The following CTNNA3 variants were observed in gnomAD, a reference collection of about 807,000 sequenced individuals.
The protein encoded by CTNNA3 is catenin alpha-3.
CTNNA3 carries 76 observed loss-of-function variants against 95.7 expected under a neutral mutation model. The ratio of observed to expected loss-of-function variants is 0.79; its 90% confidence interval spans 0.66 to 0.96. CTNNA3 has a LOEUF of 0.96. Ranked by LOEUF, CTNNA3 falls within the 40% of genes least tolerant of loss-of-function variation. CTNNA3 has a pLI of 0.00. For synonymous variants in CTNNA3, 431 were observed against 374.4 expected (o/e 1.15, Z -1.74); for missense variants, 1,191 against 1,089.8 (o/e 1.09, Z -1.31).
At chr10:67,699,812 G>A (rs879886538), upstream of CTNNA3, among the ~76,000 whole-genome samples, 39 of 152,196 alleles carry the variant, frequency 2.6e-4, no homozygotes, top group Non-Finnish European at 4.3e-4. Context: ...AGCCGAAGTC[G>A]GGCAAGCCAC....
At chr10:67,048,694 A>G (rs550702198) in intron 7 of CTNNA3, among the ~76,000 whole-genome samples, 2 of 152,224 alleles carry the variant, frequency 1.3e-5, no homozygotes, top group East Asian at 3.9e-4. Flanking sequence ...GTAAATTTCC[A>G]GGATCAAAGT....
chr10:67,619,776 A>T (rs72806685), intron 2 of CTNNA3, among the ~76,000 whole-genome samples: 1 of 152,146 alleles, frequency 6.6e-6, no homozygotes. Flanking sequence ...AAGCCGAGGA[A>T]TTTTTATTCC....
At chr10:66,873,969 T>C (rs1405736358) in intron 7 of CTNNA3, among the ~76,000 whole-genome samples, 1 of 152,124 alleles carries the variant, frequency 6.6e-6, no homozygotes, top group Non-Finnish European at 1.5e-5. Flanking sequence ...ATTAAACATG[T>C]AAGCATTTTG....
chr10:67,225,199 C>A lies in CTNNA3; in HGVS notation c.580-5329G>T, dbSNP rs568993502. Among the ~76,000 whole-genome samples the A allele has an allele frequency of 2.6e-5, 4 of 152,272 alleles. No individual in the cohort carries two copies. The South Asian group carries it at 8.3e-4, about 32-fold the overall frequency. On this transcript the variant is annotated intron_variant, in intron 5 of 17. Transcript: ENST00000433211. ...TGACCTGGGAATCTCACTCCCACCC[C>A]CTACAGCAGCCACAGCAAGACCCAC... is the stretch of plus-strand genomic sequence containing the variant.
intron 13 of CTNNA3, among the ~76,000 whole-genome samples, chr10:66,224,308 A>C (rs2089142415): frequency 6.6e-6 from 1 of 152,182 alleles, no homozygotes; most frequent in Non-Finnish European, 1.5e-5. Context: ...TACAAGTAGG[A>C]AGCGTTCAAC....
chr10:67,666,984 A>T (rs1348238312), intron 1 of CTNNA3, among the ~76,000 whole-genome samples: 3 of 152,168 alleles, frequency 2.0e-5, no homozygotes, highest in African/African-American at 4.8e-5. Context: ...AATGAACAAC[A>T]ATCTTACATA....
rs2080398837 is a variant in CTNNA3 at position 66,069,924 on chromosome 10, A to G, written c.1978-435T>C. Among the ~76,000 whole-genome samples, 4 of 152,170 alleles carry G rather than the reference A, an allele frequency of 2.6e-5. No individual in the cohort carries two copies. The South Asian group carries it at 6.2e-4, about 24-fold the overall frequency. On this transcript the variant is annotated intron_variant, in intron 14 of 17. Coordinates refer to ENST00000433211, the MANE Select transcript of CTNNA3 (RefSeq NM_013266.4). The stretch of plus-strand genomic sequence containing the variant: ...TACCTATGTGTATATATGCAATTAC[A>G]GGATGAATTAGTCATGCCTCAACTT...
chr10:67,137,542 G>A (rs1169014656), intron 7 of CTNNA3, among the ~76,000 whole-genome samples: 2 of 152,076 alleles, frequency 1.3e-5, no homozygotes, highest in Non-Finnish European at 2.9e-5. Context: ...AAAAGTTTTA[G>A]TTTTGTAACA....
At chr10:67,149,420 C>T (rs149292600) in intron 7 of CTNNA3, among the ~76,000 whole-genome samples, 2,408 of 151,988 alleles carry the variant, frequency 0.016, 88 homozygotes, top group East Asian at 0.15. Context: ...CCCGTCTCTA[C>T]TAAAAATACA....
At chr10:67,172,860 A>G (rs1862075805) in intron 7 of CTNNA3, among the ~76,000 whole-genome samples, 1 of 152,026 alleles carries the variant, frequency 6.6e-6, no homozygotes, top group Non-Finnish European at 1.5e-5. Context: ...ATGTAATCCC[A>G]GCTGCTCGAA....
intron 7 of CTNNA3, among the ~76,000 whole-genome samples, chr10:66,893,578 C>T (rs748189564): frequency 6.7e-6 from 1 of 150,050 alleles, no homozygotes; most frequent in Non-Finnish European, 1.5e-5. Context: ...CAGTGACTTG[C>T]ACTTACTAGC....
chr10:66,168,045 G>A (rs2085226792), intron 13 of CTNNA3, among the ~76,000 whole-genome samples: 1 of 152,144 alleles, frequency 6.6e-6, no homozygotes, highest in Admixed American at 6.6e-5. Context: ...AGATCTAAGA[G>A]GTGCATTCCT....
At chr10:67,585,220 G>T (rs2133332572) in intron 3 of CTNNA3, among the ~76,000 whole-genome samples, 1 of 152,230 alleles carries the variant, frequency 6.6e-6, no homozygotes, top group African/African-American at 2.4e-5. Flanking sequence ...ATATATTTTT[G>T]ATGTGCTGTT....
At chr10:67,738,773 G>C (rs535034835) in intron 1 of CTNNA3, among the ~76,000 whole-genome samples, 1 of 152,054 alleles carries the variant, frequency 6.6e-6, no homozygotes, top group Non-Finnish European at 1.5e-5. Flanking sequence ...GAAAACCAAG[G>C]CACAAGAACT....
At position 67,259,284 on chromosome 10, in the gene CTNNA3, G is replaced by A. The variant is rs143989016; in HGVS notation, c.580-39414C>T. 3.9e-5 allele frequency among the ~76,000 whole-genome samples: 6 copies of A among 152,186 alleles called. No homozygotes were observed. In the East Asian group the frequency reaches 1.2e-3, roughly 29 times the overall value. ...CACTCTTTAAGTGTATCTCTTAGTT[G>A]TCTCTCCATATTTTTATAGATTGGA... On this transcript the variant is annotated intron_variant, in intron 5 of 17. Coordinates refer to ENST00000433211, the MANE Select transcript of CTNNA3 (RefSeq NM_013266.4).
At chr10:66,058,696 A>C (rs1229353578) in intron 15 of CTNNA3, among the ~76,000 whole-genome samples, 1 of 152,102 alleles carries the variant, frequency 6.6e-6, no homozygotes, top group Non-Finnish European at 1.5e-5. Flanking sequence ...CCATGCTTAA[A>C]ATGGACAGAG....
intron 7 of CTNNA3, among the ~76,000 whole-genome samples, chr10:66,812,337 A>G (rs1564698976): frequency 6.6e-6 from 1 of 152,152 alleles, no homozygotes; most frequent in African/African-American, 2.4e-5. Context: ...TGATTGCTAA[A>G]TAGTGCTCAT....
intron 5 of CTNNA3, among the ~76,000 whole-genome samples, chr10:67,501,192 T>C (rs1211871134): frequency 6.6e-6 from 1 of 152,182 alleles, no homozygotes; most frequent in Admixed American, 6.5e-5. Flanking sequence ...TTTTTGTCTC[T>C]AAAGGATTTT....
At chr10:66,319,377 T>C (rs2092150398) in intron 12 of CTNNA3, among the ~76,000 whole-genome samples, 1 of 152,098 alleles carries the variant, frequency 6.6e-6, no homozygotes, top group African/African-American at 2.4e-5. Context: ...AGTTAAAATC[T>C]ACACACCAAG....
Sources: gnomAD v4.1 joint callset for allele counts (sites outside exome capture counted in the v4.1 genomes callset) on GRCh38, gnomAD v4.1.1 for gene constraint, MANE v1.5 for transcripts, NCBI Gene and HGNC (gene_info 2026-07-23, HGNC 2026-07-21) for gene names.